Variants in D2HGDH observed in about 807,000 individuals in gnomAD.
The protein encoded by D2HGDH is D-2-hydroxyglutarate dehydrogenase.
In D2HGDH, 31 loss-of-function variants were observed where a neutral mutation model predicts 46.9. That is an observed-to-expected ratio of 0.66 (90% confidence interval 0.50 to 0.89). The LOEUF is 0.89. Among genes scored for constraint, D2HGDH ranks in the 40% least tolerant of loss-of-function variants. The probability of loss-of-function intolerance (pLI) is 0.00; values close to 1 mark genes in which losing one functional copy is unlikely to be tolerated. For synonymous variants in D2HGDH, 364 were observed against 332.6 expected (o/e 1.09, Z -1.03); for missense variants, 698 against 720.8 (o/e 0.97, Z 0.36).
At position 241,735,145 on chromosome 2, in the gene D2HGDH, C is replaced by A. The variant is rs1559333334; in HGVS notation, c.-80C>A. ...TGGCCACTTCCAGGCGCGCAGCCAG[C>A]GGCTCCCTGCCCTTCCCCTCCGGGC... On this transcript the variant is annotated 5_prime_UTR_variant, in exon 2 of 10. Transcript: ENST00000321264. The A allele has an allele frequency of 7.2e-7, 1 of 1,379,592 alleles. No individual in the cohort carries two copies. The highest frequency in any genetic ancestry group is 9.4e-7 in the Non-Finnish European group (1 of 1,063,582). The allele number at this position is 1,379,592 out of a possible 1,614,324, so 85.5% of individuals were successfully genotyped here.
Position 241,735,643 on chromosome 2 carries a change from G to C in D2HGDH, c.292+127G>C, listed in dbSNP as rs999100272. On this transcript the variant is annotated intron_variant, in intron 2 of 9. Transcript: ENST00000321264. ...CCAGCCCCTGGCTGCGCTGAGAGGG[G>C]CGTGTGCACCGCCACAGGCTGCTGG... 9.1e-6 allele frequency: 12 copies of C among 1,313,200 alleles called. No individual in the cohort carries two copies. In the African/African-American group the frequency reaches 1.6e-4, roughly 18 times the overall value. The allele number at this position is 1,313,200 out of a possible 1,614,324, so 81.3% of individuals were successfully genotyped here.
At position 241,743,824 on chromosome 2, in the gene D2HGDH, G is replaced by C. The variant is rs755818367; in HGVS notation, c.684+9G>C. 11 of 1,591,652 alleles carry C rather than the reference G, an allele frequency of 6.9e-6. No homozygotes were observed. The Admixed American group carries it at 1.9e-4, about 28-fold the overall frequency. ...TCCTGGGCCTGGAAGTGGTGAGCTG[G>C]GGCAGCTGCTTGGTGCAGAGGTCGC... On this transcript the variant is annotated intron_variant, in intron 5 of 9. Coordinates refer to ENST00000321264, the MANE Select transcript of D2HGDH (RefSeq NM_152783.5). The surrounding 1 kb of genome is among the most constrained non-coding windows in gnomAD (Gnocchi z 4.8).
rs1694797676 is a variant in D2HGDH at position 241,742,648 on chromosome 2, C to T, written c.490+74C>T. ...TGGAGTTCTTCCTTGCCAGCGTCTG[C>T]AACTGTGGGGTGCTTGGGTGGGTGA... On this transcript the variant is annotated intron_variant, in intron 4 of 9. Transcript: ENST00000321264. The surrounding 1 kb of genome is among the most constrained non-coding windows in gnomAD (Gnocchi z 4.8). 3 of 1,585,454 alleles carry T rather than the reference C, an allele frequency of 1.9e-6. No homozygotes were observed. Among genetic ancestry groups the T allele is most frequent in the Admixed American group, 3.3e-5 (2 of 59,886 alleles).
chr2:241,746,290 T>G (rs1485604988), intron 6 of D2HGDH, among the ~76,000 whole-genome samples: 1 of 152,210 alleles, frequency 6.6e-6, no homozygotes, highest in Non-Finnish European at 1.5e-5. Context: ...AGTTCACGAA[T>G]GCCCTCTTCT....
intron 8 of D2HGDH, among the ~76,000 whole-genome samples, chr2:241,754,295 C>T (rs1036226326): frequency 3.3e-5 from 5 of 152,160 alleles, no homozygotes; most frequent in Non-Finnish European, 7.4e-5. Context: ...AGGAGGGGCT[C>T]TTGCTCAGGG....
intron 2 of D2HGDH, among the ~76,000 whole-genome samples, chr2:241,740,311 A>G (rs1334072229): frequency 2.0e-5 from 3 of 152,160 alleles, no homozygotes; most frequent in Non-Finnish European, 2.9e-5. Context: ...TGTGAGGTGC[A>G]CACACATCAC....
chr2:241,746,240 C>G (rs1695828842), intron 6 of D2HGDH, among the ~76,000 whole-genome samples: 1 of 152,192 alleles, frequency 6.6e-6, no homozygotes, highest in Non-Finnish European at 1.5e-5. Context: ...TCGTGTCTCT[C>G]TGTGCTGCAT....
chr2:241,735,821 G>A, intron 2 of D2HGDH: 2 of 425,826 alleles, frequency 4.7e-6, no homozygotes, highest in Non-Finnish European at 8.6e-6. Flanking sequence ...GGAGTGCAGT[G>A]GCGCGACGTC....
chr2:241,763,181 G>A (rs1461609458), intron 9 of D2HGDH, among the ~76,000 whole-genome samples: 1 of 152,214 alleles, frequency 6.6e-6, no homozygotes, highest in Non-Finnish European at 1.5e-5. Flanking sequence ...TGATGGGGAT[G>A]CGTCCTGAGA....
At chr2:241,744,080 C>T (rs1695245555) in intron 5 of D2HGDH, among the ~76,000 whole-genome samples, 1 of 152,190 alleles carries the variant, frequency 6.6e-6, no homozygotes. Context: ...GGGGACACCG[C>T]CCCGGCAGTG....
chr2:241,755,233 C>G (rs1301680447), intron 8 of D2HGDH: 1 of 1,116,084 alleles, frequency 9.0e-7, no homozygotes, highest in South Asian at 1.4e-5. Context: ...GTGTCCTTCC[C>G]TCCCCCGTGG....
chr2:241,738,572 CTG>C (rs1489681110), intron 2 of D2HGDH, among the ~76,000 whole-genome samples: 1 of 152,120 alleles, frequency 6.6e-6, no homozygotes, highest in Admixed American at 6.5e-5. Context: ...GAAGCTGTAA[CTG>C]AGATTGAGGG....
At chr2:241,758,155 AGTTT>A (rs753564532) in intron 9 of D2HGDH, among the ~76,000 whole-genome samples, 3 of 151,262 alleles carry the variant, frequency 2.0e-5, no homozygotes, top group Non-Finnish European at 2.9e-5. Flanking sequence ...TTGCTGGATG[AGTTT>A]GTTTATGTTT....
At chr2:241,758,478 C>T (rs1698402061) in intron 9 of D2HGDH, among the ~76,000 whole-genome samples, 1 of 152,032 alleles carries the variant, frequency 6.6e-6, no homozygotes, top group Non-Finnish European at 1.5e-5. Context: ...TGGGATGCCC[C>T]CACACCCTTT....
In D2HGDH at chr2:241,735,465, G is replaced by A. The variant is rs1428815829; in HGVS notation, c.241G>A (p.Asp81Asn). The A allele has an allele frequency of 6.2e-7, 1 of 1,609,494 alleles. No individual in the cohort carries two copies. Among genetic ancestry groups the A allele is most frequent in the Non-Finnish European group, 8.5e-7 (1 of 1,179,750 alleles). ...CATCGTGCCCGGCGGGGTCGTCACG[G>A]ACCCGGAAGCGCTGCAGGCTCCCAA... is the stretch of plus-strand genomic sequence containing the variant. Reference protein sequence around the residue: ...ERIVPGGVVTDPEALQAPNVD... With the variant: ...ERIVPGGVVTNPEALQAPNVD... Residue 81 changes from aspartate (D) to asparagine (N), a missense_variant, in exon 2 of 10, where the codon GAC becomes AAC. Coordinates refer to ENST00000321264, the MANE Select transcript of D2HGDH (RefSeq NM_152783.5).
chr2:241,735,657 A>G (rs1692574445), intron 2 of D2HGDH, 141 bp downstream of exon 2: 4 of 1,172,444 alleles, frequency 3.4e-6, no homozygotes, highest in Non-Finnish European at 3.6e-6. Flanking sequence ...GTGCACCGCC[A>G]CAGGCTGCTG....
In D2HGDH at chr2:241,741,023, C is replaced by A. The variant is rs1575204831; in HGVS notation, c.293-10C>A. 6.2e-7 allele frequency: 1 copy of A among 1,613,482 alleles called. No individual in the cohort carries two copies. Among genetic ancestry groups the A allele is most frequent in the East Asian group, 2.2e-5 (1 of 44,864 alleles). ...CCACGCTGTCTCATAGGATCTTCTT[C>A]CTGTCACAGGCTGTAGCAAGGTGCT... On this transcript the variant is annotated splice_polypyrimidine_tract_variant and intron_variant, in intron 2 of 9. Transcript: ENST00000321264.
intron 8 of D2HGDH, among the ~76,000 whole-genome samples, chr2:241,752,946 G>A (rs1697511719): frequency 6.7e-6 from 1 of 148,906 alleles, no homozygotes; most frequent in Admixed American, 6.7e-5. Context: ...CACCCCCAGG[G>A]CGGACTGTCC....
intron 9 of D2HGDH, among the ~76,000 whole-genome samples, chr2:241,759,389 C>G (rs75445151): frequency 6.6e-6 from 1 of 152,200 alleles, no homozygotes; most frequent in African/African-American, 2.4e-5. Flanking sequence ...GAAACTGAAT[C>G]TCCTAACGCG....
Sources: allele counts gnomAD v4.1 joint callset (sites outside exome capture counted in the v4.1 genomes callset), GRCh38; gene constraint gnomAD v4.1.1; non-coding constraint Gnocchi (gnomAD v3.1); transcripts MANE v1.5; gene names NCBI Gene and HGNC (gene_info 2026-07-23, HGNC 2026-07-21).